Variants in ATP2A1 observed in about 807,000 individuals in gnomAD.
ATP2A1 encodes the protein ATPase sarcoplasmic/endoplasmic reticulum Ca2+ transporting 1, also known as sarcoplasmic/endoplasmic reticulum calcium ATPase 1.
Under a neutral mutation model 109.5 loss-of-function variants are expected in ATP2A1, and 83 were observed. The ratio of observed to expected loss-of-function variants is 0.76; its 90% confidence interval spans 0.63 to 0.91. The LOEUF (loss-of-function observed/expected upper bound fraction) is 0.91. Among genes scored for constraint, ATP2A1 ranks in the 40% least tolerant of loss-of-function variants. The probability of loss-of-function intolerance (pLI) is 0.00; values close to 1 mark genes in which losing one functional copy is unlikely to be tolerated. For synonymous variants in ATP2A1, 505 were observed against 537.6 expected (o/e 0.94, Z 0.84); for missense variants, 1,101 against 1,341.0 (o/e 0.82, Z 2.80).
At position 28,902,184 on chromosome 16, in the gene ATP2A1, T is replaced by A; in HGVS notation, c.2322T>A (p.Cys774Ter). The part of the protein sequence containing the change: ...LISSNVGEVV[C>*]IFLTAALGLP... Reference sequence around the variant, plus strand: ...AGGTGTGACCACCTCCTTCCCACAGTATCTTCCTGACCGCTGCCCTGGGGC... The same window carrying A: ...AGGTGTGACCACCTCCTTCCCACAGAATCTTCCTGACCGCTGCCCTGGGGC... Residue 774 changes from cysteine to a stop codon, truncating the protein, a stop_gained and splice_region_variant, in exon 17 of 23, where the codon TGT becomes TGA. Coordinates refer to ENST00000395503, the MANE Select transcript of ATP2A1 (RefSeq NM_004320.6). LOFTEE classifies it high-confidence loss of function. The surrounding 1 kb of genome is among the most constrained non-coding windows in gnomAD (Gnocchi z 4.8). The A allele has an allele frequency of 6.2e-7, 1 of 1,614,120 alleles. No homozygotes were observed.
intron 12 of ATP2A1, among the ~76,000 whole-genome samples, chr16:28,895,265 CTT>C (rs1236951524): frequency 6.6e-6 from 1 of 152,220 alleles, no homozygotes; most frequent in Non-Finnish European, 1.5e-5. Context: ...TCTGTTATTC[CTT>C]TGTTTCTAGA....
intron 9 of ATP2A1, among the ~76,000 whole-genome samples, chr16:28,891,235 G>A (rs1172907993): frequency 1.3e-5 from 2 of 151,872 alleles, no homozygotes; most frequent in Non-Finnish European, 2.9e-5. Context: ...GGTGGAGGTT[G>A]CAGTGAGCTG....
Position 28,880,825 on chromosome 16 carries a change from C to T in ATP2A1, c.220-90C>T. 1 of 1,292,564 alleles carries T rather than the reference C, an allele frequency of 7.7e-7. No homozygotes were observed. The highest frequency in any genetic ancestry group is 1.7e-5 in the Admixed American group (1 of 58,258). The allele number at this position is 1,292,564 out of a possible 1,614,324, so 80.1% of individuals were successfully genotyped here. A position where few individuals can be genotyped will look rare whatever the true frequency, so the allele number is the denominator to read the frequency against. ...TCCTGCTGGCTCCTGCACTCTCCTG[C>T]ACAGTTCTCCCCTTTGCAGTGGTCC... On this transcript the variant is annotated intron_variant, in intron 3 of 22. Coordinates refer to ENST00000395503, the MANE Select transcript of ATP2A1 (RefSeq NM_004320.6). This position sits in a 1 kb window ranked among gnomAD's most constrained non-coding sequence, Gnocchi z 4.2.
chr16:28,888,037 C>G (rs530709598), intron 8 of ATP2A1, among the ~76,000 whole-genome samples: 18 of 151,932 alleles, frequency 1.2e-4, no homozygotes, highest in East Asian at 3.9e-4. Context: ...TCCTGACCTC[C>G]TGATCTGCCC....
rs1018376130 is a variant in ATP2A1, at chr16:28,903,439, G to C, written c.2979G>C (p.Glu993Asp). 1.9e-6 allele frequency: 3 copies of C among 1,612,390 alleles called. No homozygotes were observed. Among genetic ancestry groups the C allele is most frequent in the South Asian group, 1.1e-5 (1 of 91,060 alleles). ...ILKFVARNYL[E>D]G ...AGTTCGTTGCTCGGAACTACCTAGA[G>C]GGTAAGGAGTGCCCTCTCTGTCCCA... The change falls in exon 21 of 23, where the codon GAG becomes GAC. Residue 993 changes from glutamate (E) to aspartate (D), a missense_variant and splice_region_variant. By Grantham distance (45) the Glu-to-Asp change is conservative (BLOSUM62 2). Transcript: ENST00000395503. The surrounding 1 kb of genome is among the most constrained non-coding windows in gnomAD (Gnocchi z 5.6).
intron 4 of ATP2A1, 121 bp downstream of exon 4, chr16:28,881,140 C>A: frequency 9.8e-7 from 1 of 1,019,952 alleles, no homozygotes; most frequent in Non-Finnish European, 1.5e-6. Flanking sequence ...TGGTCCTATC[C>A]CCTGGTCTGG....
At position 28,904,261 on chromosome 16, in the gene ATP2A1, T is replaced by C. The variant is rs1964182628; in HGVS notation, c.*119T>C. ...ATAGTGACACATCTTCAGGCAGAGC[T>C]GTGGCACAGACCCCCGTCCTGTCCC... On this transcript the variant is annotated 3_prime_UTR_variant, in exon 23 of 23. Transcript: ENST00000395503. The C allele has an allele frequency of 2.5e-6, 4 of 1,613,470 alleles. No individual in the cohort carries two copies. In the African/African-American group the frequency reaches 4.0e-5, roughly 16 times the overall value.
intron 9 of ATP2A1, chr16:28,892,270 C>G: frequency 4.2e-6 from 1 of 236,704 alleles, no homozygotes; most frequent in Non-Finnish European, 9.1e-6. Context: ...ACAAGAAAAG[C>G]TGTCGTTTTT....
At position 28,880,905 on chromosome 16, in the gene ATP2A1, T is replaced by A; in HGVS notation, c.220-10T>A. 1 of 1,612,618 alleles carries A rather than the reference T, an allele frequency of 6.2e-7. No individual in the cohort carries two copies. Among genetic ancestry groups the A allele is most frequent in the South Asian group, 1.1e-5 (1 of 91,060 alleles). ...CATTACCTGTCATTCTCCTTTCCCC[T>A]GCTCCCCAGGTGCTGGCCTGGTTTG... On this transcript the variant is annotated splice_polypyrimidine_tract_variant and intron_variant, in intron 3 of 22. Coordinates refer to ENST00000395503, the MANE Select transcript of ATP2A1 (RefSeq NM_004320.6). This position sits in a 1 kb window ranked among gnomAD's most constrained non-coding sequence, Gnocchi z 4.2.
rs552621178 is a variant in ATP2A1, at chr16:28,883,770, G to A, written c.464-805G>A. On this transcript the variant is annotated intron_variant, in intron 5 of 22. Coordinates refer to ENST00000395503, the MANE Select transcript of ATP2A1 (RefSeq NM_004320.6). This position sits in a 1 kb window ranked among gnomAD's most constrained non-coding sequence, Gnocchi z 5.2. ...CTGCCCGCCCCACTCTTCCACACCT[G>A]TTTCCTGCCCAACCCCCGCTTCTCT... Among the ~76,000 whole-genome samples the A allele has an allele frequency of 2.3e-3, 345 of 152,004 alleles. No individual in the cohort carries two copies. The highest frequency in any genetic ancestry group is 5.7e-3 in the Admixed American group (87 of 15,250).
chr16:28,879,141 C>G, intron 2 of ATP2A1, 25 bp downstream of exon 2: 1 of 1,613,988 alleles, frequency 6.2e-7, no homozygotes, highest in Non-Finnish European at 8.5e-7. Flanking sequence ...TCCCTGAACT[C>G]TCATAAATGA....
In ATP2A1 at chr16:28,887,261, A is replaced by G; in HGVS notation, c.617A>G (p.Asn206Ser). 4.3e-6 allele frequency: 7 copies of G among 1,613,906 alleles called. No homozygotes were observed. The highest frequency in any genetic ancestry group is 5.9e-6 in the Non-Finnish European group (7 of 1,179,962). Reference sequence around the variant, plus strand: ...CGAGCTGTCAACCAGGACAAGAAGAACATGCTTTTCTCGGTGAGCAATCCG... The same window carrying G: ...CGAGCTGTCAACCAGGACAAGAAGAGCATGCTTTTCTCGGTGAGCAATCCG... ...DPRAVNQDKK[N>S]MLFSGTNIAA... Residue 206 changes from asparagine to serine, a missense_variant, in exon 7 of 23, where the codon AAC becomes AGC. Physicochemically the swap from Asn to Ser is conservative, Grantham distance 46. Transcript: ENST00000395503.
rs1421876592 is a variant in ATP2A1, at chr16:28,878,655, C to T, written c.-17C>T. ...TGGAAGGAACACACCGGCCCCGGCC[C>T]CCAGGAAGGGAGCACAATGGAGGCC... On this transcript the variant is annotated 5_prime_UTR_variant, in exon 1 of 23. Coordinates refer to ENST00000395503, the MANE Select transcript of ATP2A1 (RefSeq NM_004320.6). 2.5e-6 allele frequency: 4 copies of T among 1,584,046 alleles called. No individual in the cohort carries two copies. Among genetic ancestry groups the T allele is most frequent in the Non-Finnish European group, 3.4e-6 (4 of 1,163,692 alleles).
chr16:28,884,559 C>T lies in ATP2A1; in HGVS notation c.464-16C>T. 3 of 1,610,024 alleles carry T rather than the reference C, an allele frequency of 1.9e-6. No individual in the cohort carries two copies. Among genetic ancestry groups the T allele is most frequent in the Non-Finnish European group, 2.5e-6 (3 of 1,176,966 alleles). On this transcript the variant is annotated splice_polypyrimidine_tract_variant and intron_variant, in intron 5 of 22. Transcript: ENST00000395503. Reference sequence around the variant, plus strand: ...CCATTCCCAAGTGACCTCCCTCTTCCCTACTCTCTCCACAGTGGGGGACAA... The same window carrying T: ...CCATTCCCAAGTGACCTCCCTCTTCTCTACTCTCTCCACAGTGGGGGACAA...
rs1168423470 is a variant in ATP2A1, at chr16:28,894,160, T to TAAGAA, written c.1102_1103insAGAAA (p.Ile368LysfsTer14). On this transcript the variant is annotated frameshift_variant, in exon 10 of 23. Transcript: ENST00000395503. LOFTEE classifies it high-confidence loss of function. Reference sequence around the variant, plus strand: ...CCTGCCCTTCTCCCCTGCAGATGTTTATCATTGACAAGGTGGATGGGGACA... The same window carrying TAAGAA: ...CCTGCCCTTCTCCCCTGCAGATGTTTAAGAAATCATTGACAAGGTGGATGGGGACA... 1 of 1,613,772 alleles carries TAAGAA rather than the reference T, an allele frequency of 6.2e-7. No homozygotes were observed. The highest frequency in any genetic ancestry group is 8.5e-7 in the Non-Finnish European group (1 of 1,179,914).
At chr16:28,899,598 C>T (rs1227021521) in intron 14 of ATP2A1, among the ~76,000 whole-genome samples, 1 of 144,540 alleles carries the variant, frequency 6.9e-6, no homozygotes, top group Non-Finnish European at 1.5e-5. Flanking sequence ...GAGATCGTGC[C>T]ACTGCACTCC....
chr16:28,887,345 T>A, intron 7 of ATP2A1, 71 bp downstream of exon 7: 2 of 1,612,350 alleles, frequency 1.2e-6, no homozygotes, highest in Non-Finnish European at 1.7e-6. Context: ...AAACATGGCG[T>A]GTGAGAAGAG....
chr16:28,901,055 G>A (rs536962141), intron 15 of ATP2A1, 139 bp downstream of exon 15: 1 of 1,222,488 alleles, frequency 8.2e-7, no homozygotes, highest in African/African-American at 1.5e-5. Context: ...GGAAGAGTCT[G>A]AAGGAGGATT....
At chr16:28,881,484 G>A (rs1963478223) in intron 4 of ATP2A1, 2 of 265,480 alleles carry the variant, frequency 7.5e-6, no homozygotes, top group Non-Finnish European at 7.4e-6. Context: ...TTTAAGAAAT[G>A]TCAGGCTATA....
Sources: gnomAD v4.1 joint callset for allele counts (sites outside exome capture counted in the v4.1 genomes callset) on GRCh38, gnomAD v4.1.1 for gene constraint, Gnocchi (gnomAD v3.1) non-coding constraint, MANE v1.5 for transcripts, NCBI Gene and HGNC (gene_info 2026-07-23, HGNC 2026-07-21) for gene names.